The following DSCAM variants were observed in gnomAD, a reference collection of about 807,000 sequenced individuals.
The protein encoded by DSCAM is cell adhesion molecule DSCAM.
A neutral mutation model predicts 217.7 loss-of-function variants in DSCAM; 47 were observed. The observed-to-expected ratio is 0.22, with a 90% CI of 0.17 to 0.28. DSCAM has a LOEUF of 0.28. DSCAM is among the 10% of genes least tolerant of loss of function. DSCAM has a pLI of 1.00. For missense variants in DSCAM, 2,080 were observed against 2,618.3 expected, an observed-to-expected ratio of 0.79 and a Z score of 4.49; for synonymous variants, 1,056 against 1,015.3, an observed-to-expected ratio of 1.04 and a Z score of -0.76.
intron 3 of DSCAM, among the ~76,000 whole-genome samples, chr21:40,646,285 T>G (rs1182450568): frequency 6.6e-6 from 1 of 151,912 alleles, no homozygotes; most frequent in Non-Finnish European, 1.5e-5. Flanking sequence ...TGTGGTGGCA[T>G]GCACCTGTAG....
intron 1 of DSCAM, among the ~76,000 whole-genome samples, chr21:40,782,283 C>T (rs1048506108): frequency 6.6e-6 from 1 of 152,172 alleles, no homozygotes; most frequent in Non-Finnish European, 1.5e-5. Context: ...ATTTCCTAAC[C>T]AACTGACCAT....
intron 3 of DSCAM, among the ~76,000 whole-genome samples, chr21:40,556,925 T>C (rs2076677066): frequency 6.6e-6 from 1 of 152,024 alleles, no homozygotes; most frequent in Admixed American, 6.5e-5. Flanking sequence ...CATCTTCTCA[T>C]TGAGTAGGCT....
rs74391171 is a variant in DSCAM, at chr21:40,801,752, A to G, written c.43+44867T>C. ...AGTATACATGTAGCGCTAATTCTGC[A>G]GGCTCTTGGCAGCATGCATGTGGTG... On this transcript the variant is annotated intron_variant, in intron 1 of 32. Transcript: ENST00000400454. Among the ~76,000 whole-genome samples the G allele has an allele frequency of 0.015, 2,247 of 152,318 alleles. 103 individuals carry two copies. In the East Asian group the frequency reaches 0.18, roughly 12 times the overall value.
At chr21:40,582,573 A>G (rs780570985) in intron 3 of DSCAM, among the ~76,000 whole-genome samples, 1 of 152,228 alleles carries the variant, frequency 6.6e-6, no homozygotes. Context: ...AACATTAAGC[A>G]TACAAGGAGA....
At chr21:40,678,134 T>A (rs1178990951) in intron 3 of DSCAM, among the ~76,000 whole-genome samples, 1 of 152,230 alleles carries the variant, frequency 6.6e-6, no homozygotes, top group African/African-American at 2.4e-5. Flanking sequence ...CAGTTTTCAA[T>A]GAACTTCTTT....
intron 3 of DSCAM, among the ~76,000 whole-genome samples, chr21:40,463,080 T>C (rs946497250): frequency 6.6e-6 from 1 of 152,150 alleles, no homozygotes; most frequent in African/African-American, 2.4e-5. Context: ...ATTGCTTGAT[T>C]GGTCCACATT....
chr21:40,181,875 G>T (rs1048660905), intron 14 of DSCAM, among the ~76,000 whole-genome samples: 1 of 152,032 alleles, frequency 6.6e-6, no homozygotes, highest in Non-Finnish European at 1.5e-5. Context: ...GATGTCAGAA[G>T]CATTCACGAA....
intron 8 of DSCAM, 150 bp downstream of exon 8, chr21:40,337,951 G>T: frequency 1.0e-6 from 1 of 990,878 alleles, no homozygotes; most frequent in East Asian, 2.4e-5. Context: ...GTAGTAAAGA[G>T]GACATCTCAT....
chr21:40,581,095 TC>T (rs2076902001), intron 3 of DSCAM, among the ~76,000 whole-genome samples: 1 of 152,128 alleles, frequency 6.6e-6, no homozygotes, highest in Non-Finnish European at 1.5e-5. Context: ...ACACAAATGA[TC>T]AATGGGAATG....
chr21:40,726,937 A>T (rs912772605), intron 1 of DSCAM, among the ~76,000 whole-genome samples: 11 of 152,134 alleles, frequency 7.2e-5, no homozygotes, highest in Non-Finnish European at 1.5e-4. Context: ...CTGAGCTGGC[A>T]TACCCAGCCC....
intron 1 of DSCAM, among the ~76,000 whole-genome samples, chr21:40,760,338 T>C (rs2091320731): frequency 6.6e-6 from 1 of 152,148 alleles, no homozygotes; most frequent in Non-Finnish European, 1.5e-5. Flanking sequence ...ATTGATTCAA[T>C]TGGCCCTTGC....
At chr21:40,065,920 C>G (rs2089199998) in intron 27 of DSCAM, among the ~76,000 whole-genome samples, 1 of 152,222 alleles carries the variant, frequency 6.6e-6, no homozygotes, top group African/African-American at 2.4e-5. Context: ...CTGGTCCAAG[C>G]TGTCATCCGG....
intron 3 of DSCAM, among the ~76,000 whole-genome samples, chr21:40,374,518 AC>A (rs1182243537): frequency 6.6e-6 from 1 of 152,250 alleles, no homozygotes; most frequent in African/African-American, 2.4e-5. Flanking sequence ...AGCCAATGTC[AC>A]ATGACAGAGC....
intron 18 of DSCAM, among the ~76,000 whole-genome samples, chr21:40,140,890 G>A (rs182398502): frequency 2.0e-5 from 3 of 151,642 alleles, no homozygotes; most frequent in African/African-American, 7.3e-5. Flanking sequence ...GCTCAGTGTC[G>A]AGTGGGTGTT....
At chr21:40,312,054 C>T in intron 9 of DSCAM, 27 bp downstream of exon 9, 3 of 1,593,060 alleles carry the variant, frequency 1.9e-6, no homozygotes, top group Non-Finnish European at 1.7e-6. Flanking sequence ...TCTACAGATG[C>T]CACATGGCTC....
chr21:40,781,190 T>C (rs529862639), intron 1 of DSCAM, among the ~76,000 whole-genome samples: 3 of 152,120 alleles, frequency 2.0e-5, no homozygotes, highest in African/African-American at 7.2e-5. Flanking sequence ...TTAACATCTC[T>C]ACTAAAAATA....
chr21:40,396,907 G>A (rs541257612), intron 3 of DSCAM, among the ~76,000 whole-genome samples: 1 of 152,242 alleles, frequency 6.6e-6, no homozygotes, highest in South Asian at 2.1e-4. Context: ...GGGCCTCCCA[G>A]ATAACATCAA....
chr21:40,026,289 C>G (rs2088381185), intron 32 of DSCAM, among the ~76,000 whole-genome samples: 1 of 140,208 alleles, frequency 7.1e-6, no homozygotes, highest in Non-Finnish European at 1.6e-5. Flanking sequence ...GCTTTACTTC[C>G]AAGTATGTGG....
intron 27 of DSCAM, among the ~76,000 whole-genome samples, chr21:40,074,149 A>G (rs868211351): frequency 2.0e-5 from 3 of 152,370 alleles, no homozygotes; most frequent in Middle Eastern, 3.4e-3. Context: ...ATGTATCAGT[A>G]AAGTTTGGGA....
Sources: allele counts gnomAD v4.1 joint callset (sites outside exome capture counted in the v4.1 genomes callset), GRCh38; gene constraint gnomAD v4.1.1; transcripts MANE v1.5; gene names NCBI Gene and HGNC (gene_info 2026-07-23, HGNC 2026-07-21).